The following JAKMIP1 variants were observed in gnomAD, a reference collection of about 807,000 sequenced individuals.
JAKMIP1 encodes janus kinase and microtubule interacting protein 1.
In JAKMIP1, 33 loss-of-function variants were observed where a neutral mutation model predicts 113.0. The ratio of observed to expected loss-of-function variants is 0.29; its 90% confidence interval spans 0.22 to 0.39. The LOEUF is 0.39. JAKMIP1 is among the 10% of genes least tolerant of loss of function. JAKMIP1 has a pLI of 1.00. For missense variants in JAKMIP1, 813 were observed against 1,080.5 expected (o/e 0.75, Z 3.47); for synonymous variants, 480 against 459.9 (o/e 1.04, Z -0.56).
rs1049670219 is a variant in JAKMIP1, at chr4:6,111,133, TC to T, written c.129+1588del. 3.4e-4 allele frequency among the ~76,000 whole-genome samples: 51 copies of T among 151,122 alleles called. No individual in the cohort carries two copies. In the Middle Eastern group the frequency reaches 0.017, roughly 52 times the overall value. On this transcript the variant is annotated intron_variant, in intron 2 of 20. Transcript: ENST00000409021. ...ATCCTGAGCTGGGGTTGCAGCCAGA[TC>T]CCAGGCCCCAGCCCCGTCCCCACCT... is the stretch of plus-strand genomic sequence containing the variant.
In JAKMIP1 at chr4:6,158,308, T is replaced by C. The variant is rs1722499949; in HGVS notation, c.-148+41945A>G. Among the ~76,000 whole-genome samples, 3 of 152,088 alleles carry C rather than the reference T, an allele frequency of 2.0e-5. No individual in the cohort carries two copies. The South Asian group carries it at 6.2e-4, about 32-fold the overall frequency. On this transcript the variant is annotated intron_variant, in intron 1 of 20. Transcript: ENST00000409021. This position sits in a 1 kb window ranked among gnomAD's most constrained non-coding sequence, Gnocchi z 5.3. ...CTTGAAAGCCCAGAACCTAACATCA[T>C]AGGGATGGTAGTGGGATGGGGTGGT... is the stretch of plus-strand genomic sequence containing the variant.
chr4:6,063,341 C>G (rs984016094), intron 9 of JAKMIP1, among the ~76,000 whole-genome samples: 2 of 152,242 alleles, frequency 1.3e-5, no homozygotes, highest in Non-Finnish European at 2.9e-5. Flanking sequence ...TATTACATAT[C>G]ACTGGCTGGG....
At chr4:6,034,523 T>A (rs945126221) in intron 19 of JAKMIP1, among the ~76,000 whole-genome samples, 2 of 152,178 alleles carry the variant, frequency 1.3e-5, no homozygotes, top group African/African-American at 4.8e-5. Flanking sequence ...TAGATGTTGA[T>A]GGGCACGGTG....
At chr4:6,175,671 CA>C (rs1725263705) in intron 1 of JAKMIP1, among the ~76,000 whole-genome samples, 1 of 152,236 alleles carries the variant, frequency 6.6e-6, no homozygotes. Context: ...TCCACCCAGG[CA>C]GATGGATGCT....
At chr4:6,035,653 G>C (rs1299498454) in intron 19 of JAKMIP1, among the ~76,000 whole-genome samples, 2 of 152,240 alleles carry the variant, frequency 1.3e-5, no homozygotes, top group Non-Finnish European at 2.9e-5. Context: ...GGAGGGCCGA[G>C]GGAGAAGGCA....
rs956107789 is a variant in JAKMIP1, at chr4:6,067,270, C to A, written c.1303-2262G>T. On this transcript the variant is annotated intron_variant, in intron 8 of 20. Coordinates refer to ENST00000409021, the MANE Select transcript of JAKMIP1 (RefSeq NM_001099433.2). The surrounding 1 kb of genome is among the most constrained non-coding windows in gnomAD (Gnocchi z 4.6). ...TCAAAGCCACACTAGTTTGTCTATC[C>A]ACAAACAGATTTTGTTTTGCACATG... is the stretch of plus-strand genomic sequence containing the variant. Among the ~76,000 whole-genome samples the A allele has an allele frequency of 2.6e-5, 4 of 152,200 alleles. No individual in the cohort carries two copies. The highest frequency in any genetic ancestry group is 5.9e-5 in the Non-Finnish European group (4 of 68,048).
rs373895188 is a variant in JAKMIP1, at chr4:6,142,247, T to C, written c.-147-29250A>G. On this transcript the variant is annotated intron_variant, in intron 1 of 20. Transcript: ENST00000409021. This position sits in a 1 kb window ranked among gnomAD's most constrained non-coding sequence, Gnocchi z 5.5. ...TGTACAGATTTAGAATTTTTTTCCA[T>C]GGAGAGATTCCCTTTCCAATTCACT... 1.3e-5 allele frequency among the ~76,000 whole-genome samples: 2 copies of C among 152,198 alleles called. No individual in the cohort carries two copies. Among genetic ancestry groups the C allele is most frequent in the African/African-American group, 4.8e-5 (2 of 41,454 alleles).
At chr4:6,152,070 A>G (rs566061087) in intron 1 of JAKMIP1, among the ~76,000 whole-genome samples, 47 of 151,134 alleles carry the variant, frequency 3.1e-4, no homozygotes, top group Admixed American at 1.2e-3. Flanking sequence ...AGGAGGAAGG[A>G]AGGGAGGGAA....
chr4:6,056,169 G>C (rs543600744), intron 12 of JAKMIP1, among the ~76,000 whole-genome samples: 16 of 148,794 alleles, frequency 1.1e-4, no homozygotes, highest in Admixed American at 6.7e-4. Flanking sequence ...ATCTCTGCAG[G>C]GTGTCTGCAG....
At chr4:6,041,433 G>A (rs1239435467) in intron 17 of JAKMIP1, among the ~76,000 whole-genome samples, 1 of 152,114 alleles carries the variant, frequency 6.6e-6, no homozygotes, top group African/African-American at 2.4e-5. Context: ...GGCCACACTA[G>A]TCCTTCCACC....
chr4:6,101,268 G>GGTGTGT (rs377707689), intron 3 of JAKMIP1, among the ~76,000 whole-genome samples: 12 of 150,716 alleles, frequency 8.0e-5, no homozygotes, highest in Admixed American at 7.9e-4. Flanking sequence ...GAGTGTGTGT[G>GGTGTGT]GTGTGTGTGT....
rs765993060 is a variant in JAKMIP1, at chr4:6,098,661, A to AG, written c.624+6811dup. ...AAAAGAAAGAAAGGAAAGGAAAGGA[A>AG]GAAAGAGAGAGAAAGAAAGAAAGAA... is the stretch of plus-strand genomic sequence containing the variant. On this transcript the variant is annotated intron_variant, in intron 3 of 20. Coordinates refer to ENST00000409021, the MANE Select transcript of JAKMIP1 (RefSeq NM_001099433.2). Among the ~76,000 whole-genome samples the AG allele has an allele frequency of 3.1e-5, 4 of 128,114 alleles. 1 individual carries two copies. Among genetic ancestry groups the AG allele is most frequent in the Admixed American group, 8.3e-5 (1 of 12,120 alleles). The allele number at this position is 128,114 out of a possible 152,430, so 84.0% of individuals were successfully genotyped here.
Position 6,081,259 on chromosome 4 carries a change from G to T in JAKMIP1, c.1101+350C>A, listed in dbSNP as rs961655507. On this transcript the variant is annotated intron_variant, in intron 6 of 20. Transcript: ENST00000409021. This position sits in a 1 kb window ranked among gnomAD's most constrained non-coding sequence, Gnocchi z 4.6. Reference sequence around the variant, plus strand: ...CACTTGCTGGGTGTCCTCTGGGCCCGTTCCCTGTGAGGTCTTTACATGCTG... The same window carrying T: ...CACTTGCTGGGTGTCCTCTGGGCCCTTTCCCTGTGAGGTCTTTACATGCTG... Among the ~76,000 whole-genome samples, 7 of 152,336 alleles carry T rather than the reference G, an allele frequency of 4.6e-5. No homozygotes were observed. Among genetic ancestry groups the T allele is most frequent in the African/African-American group, 1.4e-4 (6 of 41,584 alleles).
rs1020645687 is a variant in JAKMIP1 at position 6,158,276 on chromosome 4, T to A, written c.-148+41977A>T. On this transcript the variant is annotated intron_variant, in intron 1 of 20. Transcript: ENST00000409021. This position sits in a 1 kb window ranked among gnomAD's most constrained non-coding sequence, Gnocchi z 5.3. ...TCACCAGGGGTCACAAGCTCAGCTA[T>A]GAAGCACTTGAAAGCCCAGAACCTA... 2.6e-5 allele frequency among the ~76,000 whole-genome samples: 4 copies of A among 152,204 alleles called. No homozygotes were observed. Among genetic ancestry groups the A allele is most frequent in the Admixed American group, 1.3e-4 (2 of 15,290 alleles).
rs979748060 is a variant in JAKMIP1 at position 6,142,198 on chromosome 4, C to T, written c.-147-29201G>A. ...CCTCATTCCATCCTGGATTTAGGGA[C>T]ACTTTGGTTATTTCTGAGGATTTTG... is the stretch of plus-strand genomic sequence containing the variant. On this transcript the variant is annotated intron_variant, in intron 1 of 20. Coordinates refer to ENST00000409021, the MANE Select transcript of JAKMIP1 (RefSeq NM_001099433.2). The surrounding 1 kb of genome is among the most constrained non-coding windows in gnomAD (Gnocchi z 5.5). Among the ~76,000 whole-genome samples the T allele has an allele frequency of 3.3e-5, 5 of 152,194 alleles. No homozygotes were observed. Among genetic ancestry groups the T allele is most frequent in the African/African-American group, 9.7e-5 (4 of 41,448 alleles).
chr4:6,130,225 C>T (rs1162032409), intron 1 of JAKMIP1, among the ~76,000 whole-genome samples: 1 of 152,202 alleles, frequency 6.6e-6, no homozygotes. Flanking sequence ...AGCGGGGACG[C>T]AATGAGAATT....
At chr4:6,053,371 T>A (rs1333136121) in intron 13 of JAKMIP1, among the ~76,000 whole-genome samples, 1 of 152,238 alleles carries the variant, frequency 6.6e-6, no homozygotes, top group Non-Finnish European at 1.5e-5. Flanking sequence ...CAGTTTGAGT[T>A]GCAAATAGTA....
chr4:6,170,569 A>G (rs1724437285), intron 1 of JAKMIP1, among the ~76,000 whole-genome samples: 1 of 150,024 alleles, frequency 6.7e-6, no homozygotes, highest in South Asian at 2.1e-4. Context: ...CACCACCACC[A>G]TTGCCACCAT....
In JAKMIP1 at chr4:6,078,982, A is replaced by G. The variant is rs1212333926; in HGVS notation, c.1259T>C (p.Leu420Ser). Reference sequence around the variant, plus strand: ...TTTCCCTCGATGCCTTTTGGAGCGCAACAGCCGTTCTCTCTCCTAGAAGGA... The same window carrying G: ...TTTCCCTCGATGCCTTTTGGAGCGCGACAGCCGTTCTCTCTCCTAGAAGGA... ...DDLSLERERL[L>S]RSKRHRGKSL... Residue 420 changes from leucine (L) to serine (S), a missense_variant, in exon 8 of 21, where the codon TTG becomes TCG. Around this residue, in one of 2 missense-constraint regions of JAKMIP1, gnomAD observed 540 missense variants for 653.9 expected, o/e 0.83. Coordinates refer to ENST00000409021, the MANE Select transcript of JAKMIP1 (RefSeq NM_001099433.2). The G allele has an allele frequency of 6.2e-7, 1 of 1,614,150 alleles. No individual in the cohort carries two copies. The highest frequency in any genetic ancestry group is 1.3e-5 in the African/African-American group (1 of 75,042).
Sources: gnomAD v4.1 joint callset for allele counts (sites outside exome capture counted in the v4.1 genomes callset) on GRCh38, gnomAD v4.1.1 for gene constraint, gnomAD v4.1.1 regional missense constraint, Gnocchi (gnomAD v3.1) non-coding constraint, MANE v1.5 for transcripts, NCBI Gene and HGNC (gene_info 2026-07-23, HGNC 2026-07-21) for gene names.